Variants in PCDH15 observed in about 807,000 individuals in gnomAD.
PCDH15 encodes protocadherin-15.
In PCDH15, 129 loss-of-function variants were observed where a neutral mutation model predicts 178.5. The observed-to-expected ratio is 0.72, with a 90% CI of 0.63 to 0.84. The LOEUF is 0.84. PCDH15 is among the 40% of genes least tolerant of loss of function. The probability of loss-of-function intolerance (pLI) is 0.00; values close to 1 mark genes in which losing one functional copy is unlikely to be tolerated. For synonymous variants in PCDH15, 800 were observed against 732.0 expected, an observed-to-expected ratio of 1.09 and a Z score of -1.50; for missense variants, 2,230 against 2,099.9, an observed-to-expected ratio of 1.06 and a Z score of -1.21.
chr10:54,623,404 T>A (rs11004416), intron 2 of PCDH15, among the ~76,000 whole-genome samples: 2,110 of 152,204 alleles, frequency 0.014, 29 homozygotes, highest in East Asian at 0.061. Context: ...GACTTTTTTT[T>A]AAAATTTGAC....
intron 2 of PCDH15, among the ~76,000 whole-genome samples, chr10:55,516,165 C>T (rs1841007701): frequency 6.6e-6 from 1 of 151,806 alleles, no homozygotes; most frequent in South Asian, 2.1e-4. Flanking sequence ...TGGGAGGGAC[C>T]CGGTGGGAGA....
At chr10:55,366,892 G>A (rs1253363392) in intron 2 of PCDH15, among the ~76,000 whole-genome samples, 1 of 148,626 alleles carries the variant, frequency 6.7e-6, no homozygotes, top group African/African-American at 2.5e-5. Context: ...TTTAATGGGT[G>A]TTTGCATGTG....
chr10:54,061,947 G>A (rs567457070), intron 18 of PCDH15, among the ~76,000 whole-genome samples: 4 of 151,978 alleles, frequency 2.6e-5, no homozygotes, highest in African/African-American at 9.6e-5. Context: ...AAATGAGGCC[G>A]GGTGTGGTGG....
intron 2 of PCDH15, among the ~76,000 whole-genome samples, chr10:54,629,366 A>G (rs1175649988): frequency 6.6e-6 from 1 of 152,198 alleles, no homozygotes; most frequent in Non-Finnish European, 1.5e-5. Flanking sequence ...ATTTGACAGA[A>G]TCCAGAAGCA....
chr10:55,086,738 A>G (rs1343904640), intron 2 of PCDH15, among the ~76,000 whole-genome samples: 1 of 152,104 alleles, frequency 6.6e-6, no homozygotes, highest in Non-Finnish European at 1.5e-5. Context: ...TGTCATTTCT[A>G]ATAAAAGAAA....
chr10:55,328,568 C>T (rs1468712656), intron 2 of PCDH15, among the ~76,000 whole-genome samples: 1 of 151,424 alleles, frequency 6.6e-6, no homozygotes, highest in African/African-American at 2.4e-5. Flanking sequence ...CATCATTATT[C>T]AGCACATGGC....
chr10:54,859,140 C>T (rs528355300), intron 3 of PCDH15, among the ~76,000 whole-genome samples: 4 of 152,164 alleles, frequency 2.6e-5, no homozygotes, highest in Non-Finnish European at 5.9e-5. Context: ...CTTTTTATGG[C>T]TCTCCCTTGC....
chr10:55,587,422 G>C (rs1842745693), intron 2 of PCDH15, among the ~76,000 whole-genome samples: 1 of 60,500 alleles, frequency 1.7e-5, no homozygotes, highest in African/African-American at 1.7e-4. Context: ...GTAGGCACTG[G>C]TACGGAAAAA....
chr10:53,885,838 TC>T (rs1442761175), intron 26 of PCDH15, among the ~76,000 whole-genome samples: 7 of 152,130 alleles, frequency 4.6e-5, no homozygotes, highest in African/African-American at 1.7e-4. Context: ...AGAGAACTCA[TC>T]TGGTGACTTA....
intron 35 of PCDH15, among the ~76,000 whole-genome samples, chr10:53,814,962 CAA>C (rs34460612): frequency 1.0e-3 from 92 of 87,810 alleles, no homozygotes; most frequent in African/African-American, 2.5e-3. Context: ...GAATCTGTCT[CAA>C]AAAAAAAAAA....
chr10:54,292,571 C>T (rs1159661396), intron 8 of PCDH15, among the ~76,000 whole-genome samples: 1 of 152,144 alleles, frequency 6.6e-6, no homozygotes, highest in East Asian at 1.9e-4. Context: ...ATTTAGAAAG[C>T]CCCATTGTCT....
chr10:55,123,885 A>G (rs934420992), intron 2 of PCDH15, among the ~76,000 whole-genome samples: 57 of 152,142 alleles, frequency 3.7e-4, no homozygotes, highest in Admixed American at 3.4e-3. Context: ...ACATCCCCAA[A>G]CATGGATTTC....
chr10:54,775,149 A>C (rs1949552937), intron 1 of PCDH15, among the ~76,000 whole-genome samples: 1 of 152,202 alleles, frequency 6.6e-6, no homozygotes, highest in South Asian at 2.1e-4. Flanking sequence ...AACCCAAAGG[A>C]GAGAATGCCT....
chr10:55,340,522 A>G (rs1348695503), intron 2 of PCDH15, among the ~76,000 whole-genome samples: 1 of 152,034 alleles, frequency 6.6e-6, no homozygotes, highest in Non-Finnish European at 1.5e-5. Context: ...AACTTCACGT[A>G]TCTGCATGGA....
intron 3 of PCDH15, among the ~76,000 whole-genome samples, chr10:54,483,257 C>T (rs1382440155): frequency 1.3e-5 from 2 of 151,764 alleles, no homozygotes; most frequent in Non-Finnish European, 2.9e-5. Context: ...CAGGGTCTTT[C>T]TGGAGTCAAG....
chr10:54,201,186 T>C (rs1037365909), intron 10 of PCDH15, among the ~76,000 whole-genome samples: 4 of 152,182 alleles, frequency 2.6e-5, no homozygotes, highest in African/African-American at 9.7e-5. Flanking sequence ...AAAATTGAAT[T>C]TGAAGTTCCA....
chr10:55,381,375 C>A (rs1837529885), intron 2 of PCDH15, among the ~76,000 whole-genome samples: 1 of 152,224 alleles, frequency 6.6e-6, no homozygotes, highest in South Asian at 2.1e-4. Context: ...TAGAGCCACT[C>A]TCTCTCTCCA....
intron 1 of PCDH15, among the ~76,000 whole-genome samples, chr10:55,254,768 G>C (rs1454956722): frequency 1.3e-5 from 2 of 152,122 alleles, no homozygotes; most frequent in Non-Finnish European, 2.9e-5. Flanking sequence ...TATGTAATTT[G>C]AAATACAAAT....
In PCDH15 at chr10:55,626,340, C is replaced by T. The variant is rs554179231; in HGVS notation, c.-156+1285G>A. Among the ~76,000 whole-genome samples the T allele has an allele frequency of 2.0e-5, 3 of 152,066 alleles. 1 individual carries two copies. Among genetic ancestry groups the T allele is most frequent in the African/African-American group, 7.2e-5 (3 of 41,476 alleles). On this transcript the variant is annotated intron_variant, in intron 2 of 5. Coordinates refer to the PCDH15 transcript ENST00000613346. ...GCCTCCCACTGCTTTATAGGATATC[C>T]CGAAATCTACAGCACGCATGTGTGA...
Sources: gnomAD v4.1 joint callset for allele counts (sites outside exome capture counted in the v4.1 genomes callset) on GRCh38, gnomAD v4.1.1 for gene constraint, MANE v1.5 for transcripts, NCBI Gene and HGNC (gene_info 2026-07-23, HGNC 2026-07-21) for gene names.